CELF2: variants seen among roughly 807,000 people sequenced by gnomAD.
The protein encoded by CELF2 is CUG triplet repeat RNA-binding protein 2.
A neutral mutation model predicts 62.6 loss-of-function variants in CELF2; 8 were observed. The observed-to-expected ratio is 0.13, with a 90% CI of 0.07 to 0.23. The LOEUF is 0.23. CELF2 is among the 10% of genes least tolerant of loss of function. The probability of loss-of-function intolerance (pLI) is 1.00; values close to 1 mark genes in which losing one functional copy is unlikely to be tolerated. For synonymous variants in CELF2, 258 were observed against 250.0 expected, an observed-to-expected ratio of 1.03 and a Z score of -0.30; for missense variants, 333 against 671.0, an observed-to-expected ratio of 0.50 and a Z score of 5.56.
intron 1 of CELF2, among the ~76,000 whole-genome samples, chr10:10,805,326 G>C (rs1469498464): frequency 6.6e-6 from 1 of 152,136 alleles, no homozygotes; most frequent in African/African-American, 2.4e-5. Context: ...ACTTTTTCTT[G>C]ATAAATTGAC....
At chr10:11,222,908 ATGTG>A (rs1473478511) in intron 3 of CELF2, among the ~76,000 whole-genome samples, 1 of 152,240 alleles carries the variant, frequency 6.6e-6, no homozygotes, top group East Asian at 1.9e-4. Flanking sequence ...AGATCTATAT[ATGTG>A]TATGTCTATA....
rs534534726 is a variant in CELF2, at chr10:11,157,132, T to C, written c.75-8354T>C. 1.8e-4 allele frequency among the ~76,000 whole-genome samples: 27 copies of C among 152,234 alleles called. No individual in the cohort carries two copies. The highest frequency in any genetic ancestry group is 6.5e-4 in the African/African-American group (27 of 41,536). On this transcript the variant is annotated intron_variant, in intron 1 of 12. Transcript: ENST00000633077. This position sits in a 1 kb window ranked among gnomAD's most constrained non-coding sequence, Gnocchi z 4.9. ...GGCATTTCAAGAGCAGGTTGGGGGA[T>C]GAGGCTGTGTCCCCTGTGCAAAGTC...
At chr10:10,663,603 A>G in the CELF2 span, among the ~76,000 whole-genome samples, 4 of 152,344 alleles carry the variant, frequency 2.6e-5, no homozygotes, top group South Asian at 8.3e-4. Flanking sequence ...CAGAAGAGAG[A>G]GTAAAATTGT....
At chr10:10,767,706 A>G in the CELF2 span, among the ~76,000 whole-genome samples, 1 of 152,072 alleles carries the variant, frequency 6.6e-6, no homozygotes, top group Non-Finnish European at 1.5e-5. Flanking sequence ...CGGTAAAAAT[A>G]TATTTGCTGG....
At chr10:10,596,376 G>A in the CELF2 span, among the ~76,000 whole-genome samples, 2 of 152,172 alleles carry the variant, frequency 1.3e-5, no homozygotes, top group Non-Finnish European at 2.9e-5. Context: ...TGGTTGCAGA[G>A]CCATCCACCC....
At chr10:11,286,053 G>C (rs957897003) in intron 8 of CELF2, among the ~76,000 whole-genome samples, 1 of 152,244 alleles carries the variant, frequency 6.6e-6, no homozygotes, top group African/African-American at 2.4e-5. Flanking sequence ...GAAAGCGTGT[G>C]CATTAAATGT....
In CELF2 at chr10:11,328,788, A is replaced by G. The variant is rs1231377206; in HGVS notation, c.1439-138A>G. ...ATCCACTCACGGTGGACTCACGATC[A>G]GTTCCGCAGAGCTGTGCTGGGCCCG... is the stretch of plus-strand genomic sequence containing the variant. On this transcript the variant is annotated intron_variant, in intron 12 of 12. Coordinates refer to ENST00000633077, the MANE Select transcript of CELF2 (RefSeq NM_001326342.2). The surrounding 1 kb of genome is among the most constrained non-coding windows in gnomAD (Gnocchi z 6.4). 9.2e-6 allele frequency: 8 copies of G among 871,404 alleles called. No homozygotes were observed. Among genetic ancestry groups the G allele is most frequent in the Non-Finnish European group, 1.3e-5 (8 of 594,016 alleles). The allele number at this position is 871,404 out of a possible 1,614,324, so 54.0% of individuals were successfully genotyped here. A position where few individuals can be genotyped will look rare whatever the true frequency, so the allele number is the denominator to read the frequency against.
In CELF2 at chr10:11,306,648, A is replaced by G. The variant is rs1188435043; in HGVS notation, c.977-7491A>G. Among the ~76,000 whole-genome samples, 2 of 152,204 alleles carry G rather than the reference A, an allele frequency of 1.3e-5. No individual in the cohort carries two copies. Among genetic ancestry groups the G allele is most frequent in the African/African-American group, 4.8e-5 (2 of 41,452 alleles). ...GATGCCAGTTGGGGTGAATTTTCAA[A>G]GTATTGTCTGATGATGTAGAGTGCA... is the stretch of plus-strand genomic sequence containing the variant. On this transcript the variant is annotated intron_variant, in intron 9 of 12. Transcript: ENST00000633077. The surrounding 1 kb of genome is among the most constrained non-coding windows in gnomAD (Gnocchi z 4.4).
intron 2 of CELF2, among the ~76,000 whole-genome samples, chr10:10,925,695 G>C (rs1003377767): frequency 6.6e-6 from 1 of 152,162 alleles, no homozygotes; most frequent in Non-Finnish European, 1.5e-5. Context: ...GAGTGGGTCA[G>C]AGTGGGTAAG....
chr10:10,574,827 A>G, the CELF2 span, among the ~76,000 whole-genome samples: 1 of 150,034 alleles, frequency 6.7e-6, no homozygotes, highest in Non-Finnish European at 1.5e-5. Flanking sequence ...CTTCTGCCTC[A>G]GCCTCCTGAC....
the CELF2 span, among the ~76,000 whole-genome samples, chr10:10,672,321 C>G: frequency 6.6e-6 from 1 of 152,112 alleles, no homozygotes; most frequent in African/African-American, 2.4e-5. Flanking sequence ...ATTGCCAAAT[C>G]CAAGGTTATC....
the CELF2 span, among the ~76,000 whole-genome samples, chr10:10,571,546 C>G: frequency 6.6e-6 from 1 of 152,104 alleles, no homozygotes; most frequent in Non-Finnish European, 1.5e-5. Context: ...ACAGTTTGTA[C>G]CAAGCAGTAA....
chr10:11,235,844 GA>G (rs1168088566), intron 3 of CELF2, among the ~76,000 whole-genome samples: 1 of 151,892 alleles, frequency 6.6e-6, no homozygotes, highest in Non-Finnish European at 1.5e-5. Flanking sequence ...TGTTTAAAAG[GA>G]AAAAAACAGA....
chr10:11,074,980 G>A (rs1235235175), intron 1 of CELF2: 2 of 152,180 alleles, frequency 1.3e-5, no homozygotes, highest in Non-Finnish European at 2.9e-5. Context: ...TCATAGAACT[G>A]GTTTGCATGT....
chr10:11,088,172 T>A (rs1244737692), intron 1 of CELF2, among the ~76,000 whole-genome samples: 1 of 152,104 alleles, frequency 6.6e-6, no homozygotes, highest in Non-Finnish European at 1.5e-5. Flanking sequence ...TAGAGTGAAG[T>A]GCTGAGGACA....
the CELF2 span, among the ~76,000 whole-genome samples, chr10:10,567,426 T>C: frequency 6.6e-6 from 1 of 152,030 alleles, no homozygotes; most frequent in South Asian, 2.1e-4. Flanking sequence ...TATAGGAGGT[T>C]TATCTGGGAG....
Position 11,057,649 on chromosome 10 carries a change from T to G in CELF2, c.74+39486T>G, listed in dbSNP as rs573183694. 1.3e-3 allele frequency among the ~76,000 whole-genome samples: 196 copies of G among 152,286 alleles called. 1 individual carries two copies. The highest frequency in any genetic ancestry group is 4.5e-3 in the African/African-American group (185 of 41,550). ...CATTGACGTAGTATGTTTTCTCTTT[T>G]TTTCCCCCCGATGAAGTACTTGAAG... On this transcript the variant is annotated intron_variant, in intron 1 of 12. Coordinates refer to ENST00000633077, the MANE Select transcript of CELF2 (RefSeq NM_001326342.2).
chr10:10,769,661 G>C, the CELF2 span, among the ~76,000 whole-genome samples: 1 of 152,178 alleles, frequency 6.6e-6, no homozygotes, highest in African/African-American at 2.4e-5. Context: ...ATACTCAGGG[G>C]ACTGAGGCAG....
the CELF2 span, among the ~76,000 whole-genome samples, chr10:10,710,822 T>C: frequency 1.3e-5 from 2 of 152,216 alleles, no homozygotes; most frequent in South Asian, 2.1e-4. Flanking sequence ...ATTTTCTTTT[T>C]TAAAAGTGAA....
Sources: gnomAD v4.1 joint callset for allele counts (sites outside exome capture counted in the v4.1 genomes callset) on GRCh38, gnomAD v4.1.1 for gene constraint, Gnocchi (gnomAD v3.1) non-coding constraint, MANE v1.5 for transcripts, NCBI Gene and HGNC (gene_info 2026-07-23, HGNC 2026-07-21) for gene names.